The following RXYLT1 variants were observed in gnomAD, a reference collection of about 807,000 sequenced individuals.
RXYLT1 encodes ribitol-5-phosphate xylosyltransferase 1.
In RXYLT1, 41 loss-of-function variants were observed where a neutral mutation model predicts 43.5. The observed-to-expected ratio is 0.94, with a 90% CI of 0.73 to 1.22. The LOEUF (loss-of-function observed/expected upper bound fraction) is 1.22. Among genes scored for constraint, RXYLT1 ranks in the 50% most tolerant of loss-of-function variants. The pLI is 0.00. For missense variants in RXYLT1, 514 were observed against 532.0 expected (o/e 0.97, Z 0.33); for synonymous variants, 166 against 194.4 (o/e 0.85, Z 1.21).
intron 3 of RXYLT1, among the ~76,000 whole-genome samples, chr12:63,787,671 A>G (rs1897835734): frequency 1.3e-5 from 2 of 151,942 alleles, no homozygotes; most frequent in African/African-American, 4.8e-5. Flanking sequence ...TCTGTCATCC[A>G]GGCTGGAGGG....
chr12:63,796,963 CTT>C (rs776895611), intron 3 of RXYLT1, among the ~76,000 whole-genome samples: 42 of 132,296 alleles, frequency 3.2e-4, no homozygotes, highest in Middle Eastern at 4.1e-3. Context: ...TTTTCTTTTT[CTT>C]TTTTTTTTTT....
chr12:63,805,392 C>T lies in RXYLT1; in HGVS notation c.902C>T (p.Ser301Leu), dbSNP rs867042194. The change falls in exon 5 of 6, where the codon TCA becomes TTA. Residue 301 changes from serine to leucine, a missense_variant. Coordinates refer to ENST00000261234, the MANE Select transcript of RXYLT1 (RefSeq NM_014254.3). The part of the protein sequence containing the change: ...KDGNDKLCWV[S>L]AREHWQPQET... ...GGGAACGATAAGCTTTGTTGGGTTT[C>T]AGCAAGAGAACAGTAAGTTCTATGC... 2.5e-6 allele frequency: 4 copies of T among 1,602,480 alleles called. No homozygotes were observed. The highest frequency in any genetic ancestry group is 3.4e-6 in the Non-Finnish European group (4 of 1,176,068).
chr12:63,797,354 G>T (rs1332341178), intron 3 of RXYLT1, among the ~76,000 whole-genome samples: 1 of 152,112 alleles, frequency 6.6e-6, no homozygotes, highest in Non-Finnish European at 1.5e-5. Context: ...CAGAAGAAAG[G>T]CAATTAACTC....
intron 5 of RXYLT1, chr12:63,807,757 T>G (rs1898336297): frequency 6.6e-6 from 1 of 152,214 alleles, no homozygotes. Flanking sequence ...GAGACGGGGT[T>G]TTACCTTGTT....
At chr12:63,785,584 GCTTAGA>G (rs1196279515) in intron 3 of RXYLT1, among the ~76,000 whole-genome samples, 1 of 151,868 alleles carries the variant, frequency 6.6e-6, no homozygotes, top group Non-Finnish European at 1.5e-5. Flanking sequence ...CCAATGTATT[GCTTAGA>G]CTTTTTTGGC....
chr12:63,808,722 C>G lies in RXYLT1; in HGVS notation c.962C>G (p.Ala321Gly). ...GAAAGTCTTAAGAATTACCAAGATG[C>G]CTTGCTTCAGAGTGATCTCACATTG... is the stretch of plus-strand genomic sequence containing the variant. ...TNESLKNYQD[A>G]LLQSDLTLCP... The change falls in exon 6 of 6, where the codon GCC becomes GGC. Residue 321 changes from alanine to glycine, a missense_variant. By Grantham distance (60) the Ala-to-Gly change is moderately conservative (BLOSUM62 0). Transcript: ENST00000261234. 6.2e-7 allele frequency: 1 copy of G among 1,605,994 alleles called. No homozygotes were observed. Among genetic ancestry groups the G allele is most frequent in the Admixed American group, 1.8e-5 (1 of 57,018 alleles).
intron 4 of RXYLT1, chr12:63,804,811 TC>T (rs1358452985): frequency 6.5e-6 from 1 of 154,706 alleles, no homozygotes. Flanking sequence ...ATCAACATCT[TC>T]CTTTTCCCCA....
intron 2 of RXYLT1, among the ~76,000 whole-genome samples, chr12:63,781,702 G>T (rs1897687793): frequency 6.6e-6 from 1 of 152,178 alleles, no homozygotes; most frequent in Non-Finnish European, 1.5e-5. Context: ...TTTTTGCTGT[G>T]AATATCATGA....
At chr12:63,794,980 G>A (rs1320811147) in intron 3 of RXYLT1, among the ~76,000 whole-genome samples, 1 of 151,010 alleles carries the variant, frequency 6.6e-6, no homozygotes, top group Non-Finnish European at 1.5e-5. Context: ...CTGCAGAGGA[G>A]ACTAATAATT....
chr12:63,783,854 G>A (rs1897741978), intron 2 of RXYLT1, among the ~76,000 whole-genome samples: 3 of 152,142 alleles, frequency 2.0e-5, no homozygotes, highest in Admixed American at 2.0e-4. Context: ...TGGGGTCTGT[G>A]TTACTTTTTG....
At chr12:63,800,586 C>A (rs1898136758) in intron 3 of RXYLT1, among the ~76,000 whole-genome samples, 1 of 152,024 alleles carries the variant, frequency 6.6e-6, no homozygotes, top group South Asian at 2.1e-4. Flanking sequence ...AGTTATGATA[C>A]ATGTCTATTC....
At chr12:63,785,825 A>G (rs1180365760) in intron 3 of RXYLT1, among the ~76,000 whole-genome samples, 3 of 152,080 alleles carry the variant, frequency 2.0e-5, no homozygotes, top group Non-Finnish European at 4.4e-5. Context: ...TTTGTATTGG[A>G]ATTTCAGTCT....
At chr12:63,781,687 A>T (rs1162859342) in intron 2 of RXYLT1, among the ~76,000 whole-genome samples, 1 of 152,206 alleles carries the variant, frequency 6.6e-6, no homozygotes, top group African/African-American at 2.4e-5. Flanking sequence ...TTGACCACAG[A>T]AGCATTTTTG....
At chr12:63,797,801 A>G (rs867245830) in intron 3 of RXYLT1, among the ~76,000 whole-genome samples, 1 of 152,150 alleles carries the variant, frequency 6.6e-6, no homozygotes, top group Non-Finnish European at 1.5e-5. Context: ...CAAGTAGGAG[A>G]TTGGAAGTAT....
chr12:63,781,567 A>G (rs1371389045), intron 2 of RXYLT1, among the ~76,000 whole-genome samples: 1 of 152,268 alleles, frequency 6.6e-6, no homozygotes, highest in Non-Finnish European at 1.5e-5. Context: ...TGAAGAGTAC[A>G]AAGTTAAACA....
At chr12:63,794,453 A>G (rs1897984337) in intron 3 of RXYLT1, among the ~76,000 whole-genome samples, 1 of 152,188 alleles carries the variant, frequency 6.6e-6, no homozygotes, top group Non-Finnish European at 1.5e-5. Flanking sequence ...ATAAATTGAG[A>G]GATCCATTAA....
intron 3 of RXYLT1, among the ~76,000 whole-genome samples, chr12:63,789,495 A>C (rs910667207): frequency 6.6e-6 from 1 of 152,190 alleles, no homozygotes; most frequent in East Asian, 1.9e-4. Context: ...CAGCCAAACC[A>C]TATCACCATC....
In RXYLT1 at chr12:63,781,022, A is replaced by G. The variant is rs1282248253; in HGVS notation, c.173A>G (p.Gln58Arg). The G allele has an allele frequency of 6.3e-7, 1 of 1,592,462 alleles. No individual in the cohort carries two copies. The highest frequency in any genetic ancestry group is 8.5e-7 in the Non-Finnish European group (1 of 1,172,146). Residue 58 changes from glutamine (Q) to arginine (R), a missense_variant, in exon 2 of 6, where the codon CAG (glutamine) becomes CGG (arginine). Gln to Arg is a conservative substitution (Grantham distance 43). Transcript: ENST00000261234. ...ACACTTACTCTTTTTAAAACAGAAC[A>G]GTCCACTTTGGAAAGTGAAGAATGG... The part of the protein sequence containing the change: ...APARERRGRE[Q>R]STLESEEWNP...
chr12:63,779,989 C>A lies in RXYLT1; in HGVS notation c.29C>A (p.Ser10Ter). The part of the protein sequence containing the change: MRLTRKRLC[S>*]FLIALYCLFS... Reference sequence around the variant, plus strand: ...CGGCTGACGCGGAAGCGGCTCTGCTCGTTTCTTATCGCCCTGTACTGCCTA... The same window carrying A: ...CGGCTGACGCGGAAGCGGCTCTGCTAGTTTCTTATCGCCCTGTACTGCCTA... Residue 10 changes from serine (S) to a stop codon, truncating the protein, a stop_gained, in exon 1 of 6, where the codon TCG (serine) becomes TAG (stop). Transcript: ENST00000261234. LOFTEE classifies it high-confidence loss of function. 6.2e-7 allele frequency: 1 copy of A among 1,610,654 alleles called. No individual in the cohort carries two copies. The highest frequency in any genetic ancestry group is 8.5e-7 in the Non-Finnish European group (1 of 1,178,500).
Sources: allele counts gnomAD v4.1 joint callset (sites outside exome capture counted in the v4.1 genomes callset), GRCh38; gene constraint gnomAD v4.1.1; transcripts MANE v1.5; gene names NCBI Gene and HGNC (gene_info 2026-07-23, HGNC 2026-07-21).